Variants in FBXW8 observed in about 807,000 individuals in gnomAD.
FBXW8 encodes F-box/WD repeat-containing protein 8.
FBXW8 carries 57 observed loss-of-function variants against 65.3 expected under a neutral mutation model. The ratio of observed to expected loss-of-function variants is 0.87; its 90% CI spans 0.71 to 1.09. The LOEUF is 1.09. FBXW8 is among the 50% of genes least tolerant of loss of function. The pLI is 0.00. For synonymous variants in FBXW8, 308 were observed against 330.2 expected (o/e 0.93, Z 0.73); for missense variants, 777 against 814.8 (o/e 0.95, Z 0.57).
chr12:116,989,828 C>T (rs1478298017), intron 7 of FBXW8, among the ~76,000 whole-genome samples: 5 of 152,202 alleles, frequency 3.3e-5, no homozygotes, highest in Admixed American at 6.5e-5. Context: ...GTTTCCTTAA[C>T]CCTCTTTATG....
At chr12:116,960,979 G>A (rs1313002576) in intron 4 of FBXW8, among the ~76,000 whole-genome samples, 1 of 152,118 alleles carries the variant, frequency 6.6e-6, no homozygotes, top group East Asian at 1.9e-4. Flanking sequence ...AATCTTGGCT[G>A]TATATTGAAA....
chr12:116,976,635 T>G (rs1486628789), intron 5 of FBXW8, among the ~76,000 whole-genome samples: 1 of 151,064 alleles, frequency 6.6e-6, no homozygotes, highest in Admixed American at 6.6e-5. Context: ...TTTTTTTTTT[T>G]TTGTATTTTT....
At chr12:116,992,877 A>G (rs1354523065) in intron 7 of FBXW8, among the ~76,000 whole-genome samples, 4 of 151,824 alleles carry the variant, frequency 2.6e-5, no homozygotes, top group East Asian at 3.9e-4. Flanking sequence ...TTGTCCTGCA[A>G]TAAACATATG....
chr12:116,943,984 A>G (rs1160448266), intron 2 of FBXW8, among the ~76,000 whole-genome samples: 1 of 152,160 alleles, frequency 6.6e-6, no homozygotes, highest in African/African-American at 2.4e-5. Flanking sequence ...TCAAATGGTG[A>G]CAGTTCTCTG....
chr12:116,953,697 C>T (rs1325441924), intron 4 of FBXW8, among the ~76,000 whole-genome samples: 1 of 150,948 alleles, frequency 6.6e-6, no homozygotes, highest in Non-Finnish European at 1.5e-5. Flanking sequence ...GGCGTGAACC[C>T]AGGAGGTGGA....
chr12:116,994,429 G>A (rs7960610), intron 7 of FBXW8, among the ~76,000 whole-genome samples: 144,106 of 152,326 alleles, frequency 0.95, 68,259 homozygotes, highest in Admixed American at 0.97. Flanking sequence ...CTAATTCAGG[G>A]ATCAAAAGAT....
Position 116,945,445 on chromosome 12 carries a change from A to T in FBXW8, c.505A>T (p.Ser169Cys), listed in dbSNP as rs1401376436. Reference protein sequence around the residue: ...LCQQEGHLPDSSISDYSCWKL... With the variant: ...LCQQEGHLPDCSISDYSCWKL... ...CCAGCAGGAAGGGCACCTTCCGGATAGCAGCATCTCTGACTATTCTTGCTG... is the reference window on the plus strand; with the variant it reads ...CCAGCAGGAAGGGCACCTTCCGGATTGCAGCATCTCTGACTATTCTTGCTG... The change falls in exon 3 of 11, where the codon AGC becomes TGC. Residue 169 changes from serine to cysteine, a missense_variant. Physicochemically the swap from Ser to Cys is moderately radical, Grantham distance 112. Transcript: ENST00000652555. The T allele has an allele frequency of 1.2e-6, 2 of 1,614,188 alleles. No homozygotes were observed. Among genetic ancestry groups the T allele is most frequent in the Non-Finnish European group, 1.7e-6 (2 of 1,180,032 alleles).
chr12:116,973,144 A>C (rs776428871), intron 5 of FBXW8, among the ~76,000 whole-genome samples: 2 of 152,236 alleles, frequency 1.3e-5, no homozygotes, highest in Non-Finnish European at 2.9e-5. Flanking sequence ...ATAAAATAGG[A>C]ATATATGAGT....
chr12:116,964,961 G>GCA lies in FBXW8; in HGVS notation c.835+116_835+117dup. ...GTAATCCCTCCATATGTACACGTGG[G>GCA]CACACACACATGTTCACACACATAC... is the stretch of plus-strand genomic sequence containing the variant. On this transcript the variant is annotated intron_variant, in intron 5 of 10. Transcript: ENST00000652555. 1.0e-5 allele frequency: 12 copies of GCA among 1,147,280 alleles called. No individual in the cohort carries two copies. In the South Asian group the frequency reaches 1.7e-4, roughly 17 times the overall value. The allele number at this position is 1,147,280 out of a possible 1,614,324, so 71.1% of individuals were successfully genotyped here. A position where few individuals can be genotyped will look rare whatever the true frequency, so the allele number is the denominator to read the frequency against.
intron 5 of FBXW8, 48 bp from the exon 6 acceptor site, chr12:116,985,158 T>C (rs1487173895): frequency 1.3e-6 from 2 of 1,490,052 alleles, no homozygotes; most frequent in Admixed American, 4.7e-5. Flanking sequence ...TAATTGAACA[T>C]ATTAAGTAAA....
At chr12:116,923,349 TC>T (rs1881055579) in intron 1 of FBXW8, among the ~76,000 whole-genome samples, 1 of 151,860 alleles carries the variant, frequency 6.6e-6, no homozygotes, top group African/African-American at 2.4e-5. Flanking sequence ...TGGTAGAGAA[TC>T]GATATCTGAG....
chr12:117,025,828 A>G (rs1377776618), intron 9 of FBXW8, among the ~76,000 whole-genome samples: 1 of 152,204 alleles, frequency 6.6e-6, no homozygotes, highest in Non-Finnish European at 1.5e-5. Flanking sequence ...GATGGCTGCC[A>G]GCCCCCAACT....
At chr12:116,949,363 G>C in intron 3 of FBXW8, 1 of 497,932 alleles carries the variant, frequency 2.0e-6, no homozygotes, top group Non-Finnish European at 3.7e-6. Flanking sequence ...GTAACCTCCT[G>C]GAGGATGGGG....
chr12:116,934,883 C>T (rs977694527), intron 2 of FBXW8, among the ~76,000 whole-genome samples: 10 of 152,202 alleles, frequency 6.6e-5, no homozygotes, highest in African/African-American at 2.4e-4. Flanking sequence ...GTAGAACATT[C>T]ATCACGAGAA....
intron 7 of FBXW8, among the ~76,000 whole-genome samples, chr12:116,992,965 G>A (rs1953283340): frequency 6.6e-6 from 1 of 151,962 alleles, no homozygotes; most frequent in South Asian, 2.1e-4. Context: ...GGATCAAATG[G>A]CAGATCTGCT....
chr12:117,018,714 T>C (rs1306506294), intron 8 of FBXW8, among the ~76,000 whole-genome samples: 2 of 152,204 alleles, frequency 1.3e-5, no homozygotes, highest in Non-Finnish European at 2.9e-5. Flanking sequence ...CTTAGTGATA[T>C]AAAATACACT....
chr12:116,933,866 A>G (rs1331735114), intron 2 of FBXW8, among the ~76,000 whole-genome samples: 7 of 152,180 alleles, frequency 4.6e-5, no homozygotes, highest in Non-Finnish European at 8.8e-5. Context: ...ACAGGGAGGA[A>G]ATCCTTCTGT....
At chr12:117,011,069 CT>C (rs1565940748) in intron 8 of FBXW8, among the ~76,000 whole-genome samples, 1 of 151,320 alleles carries the variant, frequency 6.6e-6, no homozygotes, top group African/African-American at 2.4e-5. Flanking sequence ...TGAAAAGACC[CT>C]TTGAGTCCAA....
Position 117,029,354 on chromosome 12 carries a change from C to T in FBXW8, c.*1182C>T, listed in dbSNP as rs1283379643. On this transcript the variant is annotated 3_prime_UTR_variant, in exon 11 of 11. Coordinates refer to ENST00000652555, the MANE Select transcript of FBXW8 (RefSeq NM_153348.3). ...CAACAAAAAGCAAAATAAGACAATT[C>T]CAGACACTCCTGAATTTACTTGGAT... 6.6e-6 allele frequency: 1 copy of T among 152,138 alleles called. No individual in the cohort carries two copies. Among genetic ancestry groups the T allele is most frequent in the Non-Finnish European group, 1.5e-5 (1 of 68,040 alleles). The allele number at this position is 152,138 out of a possible 1,614,324, so 9.4% of individuals were successfully genotyped here. A position where few individuals can be genotyped will look rare whatever the true frequency, so the allele number is the denominator to read the frequency against.
Sources: allele counts gnomAD v4.1 joint callset (sites outside exome capture counted in the v4.1 genomes callset), GRCh38; gene constraint gnomAD v4.1.1; transcripts MANE v1.5; gene names NCBI Gene and HGNC (gene_info 2026-07-23, HGNC 2026-07-21).